Variants in CDHR2 observed in about 807,000 individuals in gnomAD.
The protein encoded by CDHR2 is cadherin related family member 2, also known as cadherin-related family member 2.
CDHR2 carries 104 observed loss-of-function variants against 138.6 expected under a neutral mutation model. The ratio of observed to expected loss-of-function variants is 0.75; its 90% CI spans 0.64 to 0.88. The LOEUF is 0.88. Ranked by LOEUF, CDHR2 falls within the 40% of genes least tolerant of loss-of-function variation. The pLI is 0.00. For missense variants in CDHR2, 1,624 were observed against 1,727.6 expected, an observed-to-expected ratio of 0.94 and a Z score of 1.06; for synonymous variants, 755 against 742.8, an observed-to-expected ratio of 1.02 and a Z score of -0.27.
intron 5 of CDHR2, 119 bp from the exon 6 acceptor site, chr5:176,571,094 G>T: frequency 5.7e-5 from 16 of 278,600 alleles, no homozygotes; most frequent in East Asian, 8.3e-5. Context: ...TGGAGAGAAA[G>T]AGAGACCAAA....
intron 17 of CDHR2, among the ~76,000 whole-genome samples, chr5:176,582,730 T>C (rs939236558): frequency 6.6e-6 from 1 of 152,158 alleles, no homozygotes; most frequent in Non-Finnish European, 1.5e-5. Flanking sequence ...TGCGGTGAGC[T>C]ATGATCATGC....
At chr5:176,544,784 G>A (rs892699835), upstream of CDHR2, among the ~76,000 whole-genome samples, 4 of 152,196 alleles carry the variant, frequency 2.6e-5, no homozygotes, top group Non-Finnish European at 5.9e-5. Flanking sequence ...GACATCACGG[G>A]GATATTCTTG....
At position 176,582,856 on chromosome 5, in the gene CDHR2, A is replaced by G. The variant is rs1758561715; in HGVS notation, c.2058+1274A>G. 2.6e-5 allele frequency among the ~76,000 whole-genome samples: 4 copies of G among 152,324 alleles called. No individual in the cohort carries two copies. The South Asian group carries it at 8.3e-4, about 32-fold the overall frequency. ...ACAAAATTGGGTTTTGACTTCAATC[A>G]GTCTGGTTCTAAGGCTGCCACCAGC... On this transcript the variant is annotated intron_variant, in intron 17 of 31. Coordinates refer to ENST00000261944, the MANE Select transcript of CDHR2 (RefSeq NM_017675.6).
At chr5:176,558,651 C>CT (rs1757896366) in intron 1 of CDHR2, among the ~76,000 whole-genome samples, 1 of 152,262 alleles carries the variant, frequency 6.6e-6, no homozygotes, top group East Asian at 1.9e-4. Context: ...TCCCAAAGTG[C>CT]TGGGATTACA....
intron 28 of CDHR2, 149 bp from the exon 29 acceptor site, chr5:176,591,061 C>T (rs1391716056): frequency 3.2e-6 from 2 of 631,108 alleles, no homozygotes; most frequent in Non-Finnish European, 5.6e-6. Flanking sequence ...TGGCAAATCA[C>T]TTGCCTTCTC....
At chr5:176,546,941 G>A (rs1757596778), upstream of CDHR2, among the ~76,000 whole-genome samples, 1 of 150,646 alleles carries the variant, frequency 6.6e-6, no homozygotes. Context: ...CTGCATCATA[G>A]CTCCCAGAGC....
chr5:176,569,347 G>C (rs544479417), intron 5 of CDHR2, among the ~76,000 whole-genome samples: 5 of 150,076 alleles, frequency 3.3e-5, no homozygotes, highest in Admixed American at 6.7e-5. Context: ...GCAGTGGCGC[G>C]ATCTCGGCTC....
chr5:176,565,414 T>A lies in CDHR2; in HGVS notation c.52+10T>A. 6.2e-7 allele frequency: 1 copy of A among 1,613,274 alleles called. No individual in the cohort carries two copies. The highest frequency in any genetic ancestry group is 1.1e-5 in the South Asian group (1 of 91,058). On this transcript the variant is annotated intron_variant, in intron 2 of 31. Coordinates refer to ENST00000261944, the MANE Select transcript of CDHR2 (RefSeq NM_017675.6). ...GCCCTCGTGGTGTCTGGTAGGTGTC[T>A]CCCCTCCCCAGCCACGCAGCCCTAA...
chr5:176,574,069 G>GT lies in CDHR2; in HGVS notation c.406-13dup. The GT allele has an allele frequency of 2.5e-6, 4 of 1,608,824 alleles. No homozygotes were observed. The highest frequency in any genetic ancestry group is 3.4e-6 in the Non-Finnish European group (4 of 1,175,736). Reference sequence around the variant, plus strand: ...CTGGATTTGAGCTCATAGGTGACGAGTCCCTCCCTGCAGACCCTGCCCGTG... The same window carrying GT: ...CTGGATTTGAGCTCATAGGTGACGAGTTCCCTCCCTGCAGACCCTGCCCGTG... On this transcript the variant is annotated splice_polypyrimidine_tract_variant and intron_variant, in intron 6 of 31. Transcript: ENST00000261944.
At chr5:176,567,261 G>T (rs149483021) in intron 3 of CDHR2, 2,515 of 224,788 alleles carry the variant, frequency 0.011, 47 homozygotes, top group African/African-American at 0.054. Flanking sequence ...TCGACCTCCT[G>T]GGCTCAACTG....
At position 176,591,467 on chromosome 5, in the gene CDHR2, T is replaced by A; in HGVS notation, c.3717T>A (p.Asn1239Lys). 1 of 1,613,630 alleles carries A rather than the reference T, an allele frequency of 6.2e-7. No homozygotes were observed. The highest frequency in any genetic ancestry group is 1.1e-5 in the South Asian group (1 of 91,070). The change falls in exon 30 of 32, where the codon AAT (asparagine) becomes AAA (lysine). Residue 1239 changes from asparagine (N) to lysine (K), a missense_variant. Coordinates refer to ENST00000261944, the MANE Select transcript of CDHR2 (RefSeq NM_017675.6). ...DLGLEYLSPS[N>K]DLDSVSVNSL... ...GCTTGGAGTACCTCTCTCCCTCCAA[T>A]GACCTGGACTCTGTCAGGTGAGCAG... is the stretch of plus-strand genomic sequence containing the variant.
intron 7 of CDHR2, among the ~76,000 whole-genome samples, chr5:176,574,678 C>T (rs1758322048): frequency 6.6e-6 from 1 of 152,120 alleles, no homozygotes; most frequent in Non-Finnish European, 1.5e-5. Context: ...TCTAGGTTAC[C>T]TCCAATACCA....
At position 176,574,075 on chromosome 5, in the gene CDHR2, C is replaced by T. The variant is rs1758297621; in HGVS notation, c.406-8C>T. 2 of 1,611,776 alleles carry T rather than the reference C, an allele frequency of 1.2e-6. No homozygotes were observed. The highest frequency in any genetic ancestry group is 1.1e-5 in the South Asian group (1 of 90,840). On this transcript the variant is annotated splice_polypyrimidine_tract_variant and splice_region_variant and intron_variant, in intron 6 of 31. Transcript: ENST00000261944. ...TTGAGCTCATAGGTGACGAGTCCCT[C>T]CCTGCAGACCCTGCCCGTGGGCAGT...
chr5:176,578,183 G>A (rs1565151), intron 15 of CDHR2, 88 bp downstream of exon 15: 1,017,561 of 1,360,562 alleles, frequency 0.75, 383,344 homozygotes, highest in Non-Finnish European at 0.77. Flanking sequence ...AATAGCTGGG[G>A]AAGACCGAAG....
At position 176,581,393 on chromosome 5, in the gene CDHR2, C is replaced by T. The variant is rs376540101; in HGVS notation, c.1869C>T (p.Asn623=). The change falls in exon 17 of 32, where the codon AAC becomes AAT. Residue 623 remains asparagine, a synonymous_variant. Coordinates refer to ENST00000261944, the MANE Select transcript of CDHR2 (RefSeq NM_017675.6). ...PGTNNSRLLF[N]LLPGPYSHNF... Reference sequence around the variant, plus strand: ...CCAACAACAGCCGTCTGCTCTTCAACCTGCTGCCTGGCCCCTACAGCCACA... The same window carrying T: ...CCAACAACAGCCGTCTGCTCTTCAATCTGCTGCCTGGCCCCTACAGCCACA... 1 of 1,614,026 alleles carries T rather than the reference C, an allele frequency of 6.2e-7. No homozygotes were observed. Among genetic ancestry groups the T allele is most frequent in the African/African-American group, 1.3e-5 (1 of 74,942 alleles).
chr5:176,564,478 A>G (rs1344018237), intron 1 of CDHR2, among the ~76,000 whole-genome samples: 2 of 152,148 alleles, frequency 1.3e-5, no homozygotes, highest in African/African-American at 4.8e-5. Context: ...GTGAGCCACC[A>G]CGCCCAGCCT....
At chr5:176,587,373 G>A (rs549229263) in intron 21 of CDHR2, among the ~76,000 whole-genome samples, 2 of 152,264 alleles carry the variant, frequency 1.3e-5, no homozygotes, top group East Asian at 1.9e-4. Context: ...ACTTGAACTC[G>A]AGAGGCGGAG....
upstream of CDHR2, among the ~76,000 whole-genome samples, chr5:176,544,729 C>T (rs991619126): frequency 6.6e-6 from 1 of 152,190 alleles, no homozygotes; most frequent in Non-Finnish European, 1.5e-5. Flanking sequence ...TGAGCTACCG[C>T]GCCCAGCCCC....
intron 26 of CDHR2, 46 bp from the exon 27 acceptor site, chr5:176,590,379 G>C: frequency 6.2e-7 from 1 of 1,614,200 alleles, no homozygotes; most frequent in Non-Finnish European, 8.5e-7. Context: ...CAGGAAGCCT[G>C]GGGTGTGCCA....
Sources: allele counts gnomAD v4.1 joint callset (sites outside exome capture counted in the v4.1 genomes callset), GRCh38; gene constraint gnomAD v4.1.1; transcripts MANE v1.5; gene names NCBI Gene and HGNC (gene_info 2026-07-23, HGNC 2026-07-21).